Variants in FGF13 observed in about 807,000 individuals in gnomAD.
FGF13 encodes the protein fibroblast growth factor homologous factor 2.
FGF13 carries 2 observed loss-of-function variants against 19.5 expected under a neutral mutation model. That is an observed-to-expected ratio of 0.10 (90% CI 0.04 to 0.32). FGF13 has a LOEUF of 0.32. Among genes scored for constraint, FGF13 ranks in the 10% least tolerant of loss-of-function variants. The pLI, the probability that FGF13 is intolerant of heterozygous loss-of-function variation, is 1.00. For synonymous variants in FGF13, 72 were observed against 76.9 expected (o/e 0.94, Z 0.33); for missense variants, 113 against 192.7 (o/e 0.59, Z 2.45).
chrX:139,170,432 T>G (rs2084122892), intron 1 of FGF13, among the ~76,000 whole-genome samples: 1 of 111,785 alleles, frequency 8.9e-6, no homozygotes, highest in South Asian at 3.7e-4. Context: ...CTTCCTAGCT[T>G]GGTCTCTTGC....
intron 1 of FGF13, among the ~76,000 whole-genome samples, chrX:138,877,972 T>C (rs1260502787): frequency 9.0e-6 from 1 of 111,236 alleles, no homozygotes; most frequent in African/African-American, 3.3e-5. Flanking sequence ...AATCAGATGA[T>C]GAGTCTCTAT....
chrX:139,148,873 G>A (rs771207529), intron 1 of FGF13, among the ~76,000 whole-genome samples: 6 of 110,833 alleles, frequency 5.4e-5, no homozygotes, highest in African/African-American at 2.0e-4. Flanking sequence ...ACAATAATGG[G>A]GGCAGGATGG....
chrX:139,139,405 A>G, intron 1 of FGF13, among the ~76,000 whole-genome samples: 1 of 112,214 alleles, frequency 8.9e-6, no homozygotes, highest in Middle Eastern at 4.6e-3. Context: ...GAATTAACAG[A>G]TCACTCAAAG....
At chrX:139,140,465 C>T (rs1358317538) in intron 1 of FGF13, among the ~76,000 whole-genome samples, 1 of 111,593 alleles carries the variant, frequency 9.0e-6, no homozygotes, top group Non-Finnish European at 1.9e-5. Flanking sequence ...ATTTCCAGAA[C>T]ACCATCAGCT....
chrX:138,839,303 T>A (rs1011454073), intron 3 of FGF13, among the ~76,000 whole-genome samples: 12 of 110,827 alleles, frequency 1.1e-4, no homozygotes, highest in African/African-American at 2.3e-4. Flanking sequence ...TAAAAAAAAA[T>A]TTTCCACTCT....
intron 1 of FGF13, among the ~76,000 whole-genome samples, chrX:139,026,029 G>A (rs1418879241): frequency 9.0e-6 from 1 of 111,190 alleles, no homozygotes; most frequent in Non-Finnish European, 1.9e-5. Context: ...GCCTGCCACA[G>A]GATTCAGAAC....
intron 3 of FGF13, among the ~76,000 whole-genome samples, chrX:138,778,597 C>A (rs1021631388): frequency 8.9e-6 from 1 of 112,372 alleles, no homozygotes; most frequent in Non-Finnish European, 1.9e-5. Context: ...GCTAACACTG[C>A]GCTTTTCCGA....
At chrX:138,830,945 G>C (rs2091068821) in intron 3 of FGF13, among the ~76,000 whole-genome samples, 1 of 110,502 alleles carries the variant, frequency 9.0e-6, no homozygotes, top group Non-Finnish European at 1.9e-5. Context: ...CAGTGGGGCA[G>C]AATGGTTTTG....
intron 3 of FGF13, among the ~76,000 whole-genome samples, chrX:138,686,925 T>C: frequency 8.9e-6 from 1 of 111,935 alleles, no homozygotes; most frequent in Non-Finnish European, 1.9e-5. Context: ...AAAATAATGA[T>C]CTATCTTCCT....
intron 3 of FGF13, among the ~76,000 whole-genome samples, chrX:138,832,274 C>A (rs1273439268): frequency 8.9e-6 from 1 of 112,183 alleles, no homozygotes; most frequent in African/African-American, 3.2e-5. Context: ...TACACTCCCA[C>A]CAACAGTGCA....
In FGF13 at chrX:138,631,058, G is replaced by A. The variant is rs2089110425; in HGVS notation, c.*1792C>T. The A allele has an allele frequency of 9.0e-6, 1 of 111,504 alleles. No homozygotes were observed. Among genetic ancestry groups the A allele is most frequent in the South Asian group, 3.8e-4 (1 of 2,631 alleles). The allele number at this position is 111,504 out of a possible 1,213,427, so 9.2% of individuals were successfully genotyped here. On this transcript the variant is annotated 3_prime_UTR_variant, in exon 5 of 5. Transcript: ENST00000315930. ...GTTCTACTAAATGCCTATTGCTTCT[G>A]TACCACTGTAAAGCCCCCGAAAAAA...
intron 3 of FGF13, among the ~76,000 whole-genome samples, chrX:138,763,542 T>C (rs2090482444): frequency 8.9e-6 from 1 of 112,378 alleles, no homozygotes; most frequent in African/African-American, 3.2e-5. Flanking sequence ...GCTAAGACCC[T>C]AAAGTCAACA....
chrX:139,174,446 C>T (rs1406771107), intron 1 of FGF13, among the ~76,000 whole-genome samples: 1 of 112,110 alleles, frequency 8.9e-6, no homozygotes, highest in Non-Finnish European at 1.9e-5. Context: ...GTTGCCATTG[C>T]TTTTGGTATT....
upstream of FGF13, among the ~76,000 whole-genome samples, chrX:138,744,181 A>T (rs2090339755): frequency 9.0e-6 from 1 of 111,127 alleles, no homozygotes; most frequent in Admixed American, 9.6e-5. Flanking sequence ...ATTTTCACTG[A>T]GGGTAACAGG....
chrX:138,871,983 A>T (rs1450367049), intron 1 of FGF13, among the ~76,000 whole-genome samples: 1 of 112,095 alleles, frequency 8.9e-6, no homozygotes, highest in East Asian at 2.8e-4. Flanking sequence ...TCTTGCTGCT[A>T]TGTAGAGAAC....
At position 138,625,567 on chromosome X, in the gene FGF13, T is replaced by G. The variant is rs1387613577; in HGVS notation, c.*7283A>C. ...AAAGAGGGAGCTCCTTCCATTTACA[T>G]AAACATGGATGAAACTTCAGAGCAC... On this transcript the variant is annotated 3_prime_UTR_variant, in exon 5 of 5. Coordinates refer to ENST00000315930, the MANE Select transcript of FGF13 (RefSeq NM_004114.5). 2.0e-5 allele frequency: 2 copies of G among 98,062 alleles called. No individual in the cohort carries two copies. The highest frequency in any genetic ancestry group is 3.1e-4 in the East Asian group (1 of 3,237). The allele number at this position is 98,062 out of a possible 1,213,427, so 8.1% of individuals were successfully genotyped here.
At chrX:139,117,716 T>C (rs1444559432) in intron 1 of FGF13, among the ~76,000 whole-genome samples, 1 of 111,105 alleles carries the variant, frequency 9.0e-6, no homozygotes. Flanking sequence ...AGAGAGGAGA[T>C]CATCCACCTC....
At chrX:138,903,175 T>A (rs1177183588) in intron 1 of FGF13, among the ~76,000 whole-genome samples, 2 of 111,766 alleles carry the variant, frequency 1.8e-5, no homozygotes, top group Non-Finnish European at 3.8e-5. Context: ...TGGATAAATG[T>A]TATTGTAGAA....
chrX:138,755,824 T>C (rs1244417941), intron 3 of FGF13, among the ~76,000 whole-genome samples: 2 of 112,200 alleles, frequency 1.8e-5, no homozygotes, highest in Non-Finnish European at 3.8e-5. Context: ...GTGTTATGGA[T>C]TGAATTGTGT....
Sources: allele counts gnomAD v4.1 joint callset (sites outside exome capture counted in the v4.1 genomes callset), GRCh38; gene constraint gnomAD v4.1.1; transcripts MANE v1.5; gene names NCBI Gene and HGNC (gene_info 2026-07-23, HGNC 2026-07-21).